The following WWOX variants were observed in gnomAD, a reference collection of about 807,000 sequenced individuals.
The protein encoded by WWOX is WW domain-containing oxidoreductase.
WWOX carries 69 observed loss-of-function variants against 46.2 expected under a neutral mutation model. The ratio of observed to expected loss-of-function variants is 1.49; its 90% CI spans 1.23 to 1.82. WWOX has a LOEUF of 1.82. WWOX is among the 40% of genes most tolerant of loss of function. The probability of loss-of-function intolerance (pLI) is 0.00; values close to 1 mark genes in which losing one functional copy is unlikely to be tolerated. For missense variants in WWOX, 919 were observed against 542.6 expected (o/e 1.69, Z -6.89); for synonymous variants, 359 against 202.6 (o/e 1.77, Z -6.56).
intron 8 of WWOX, among the ~76,000 whole-genome samples, chr16:78,567,803 C>G (rs1250096749): frequency 6.6e-6 from 1 of 152,020 alleles, no homozygotes; most frequent in East Asian, 1.9e-4. Context: ...AGCAGAGCCT[C>G]CAGCCGGGGT....
chr16:79,171,413 C>G (rs2050697158), intron 8 of WWOX, among the ~76,000 whole-genome samples: 1 of 152,188 alleles, frequency 6.6e-6, no homozygotes, highest in African/African-American at 2.4e-5. Flanking sequence ...TATTAGCTCT[C>G]TCCATTTTTA....
Position 78,502,138 on chromosome 16 carries a change from A to G in WWOX, c.1056+69386A>G, listed in dbSNP as rs192492671. Among the ~76,000 whole-genome samples the G allele has an allele frequency of 3.3e-5, 5 of 152,332 alleles. No individual in the cohort carries two copies. The East Asian group carries it at 9.7e-4, about 29-fold the overall frequency. The stretch of plus-strand genomic sequence containing the variant: ...CATCCACTGGAGCTTTGCAGGGCCT[A>G]TCTGCCCTTAGCCCTCCAATATCCT... On this transcript the variant is annotated intron_variant, in intron 8 of 8. Transcript: ENST00000566780.
chr16:78,509,135 T>C (rs1236618980), intron 8 of WWOX, among the ~76,000 whole-genome samples: 1 of 152,184 alleles, frequency 6.6e-6, no homozygotes, highest in African/African-American at 2.4e-5. Flanking sequence ...ATGACAAAGT[T>C]ATTCAATTAA....
At chr16:79,173,389 G>A (rs1182013788) in intron 8 of WWOX, among the ~76,000 whole-genome samples, 8 of 152,250 alleles carry the variant, frequency 5.3e-5, no homozygotes, top group Non-Finnish European at 8.8e-5. Context: ...TCTTAGGATG[G>A]CCCACATGGG....
intron 8 of WWOX, among the ~76,000 whole-genome samples, chr16:79,149,387 G>T (rs7204962): frequency 6.6e-6 from 1 of 151,892 alleles, no homozygotes. Flanking sequence ...ATCCCACTTG[G>T]TCATGGCATA....
At chr16:79,153,922 G>A (rs186624157) in intron 8 of WWOX, among the ~76,000 whole-genome samples, 3 of 151,660 alleles carry the variant, frequency 2.0e-5, no homozygotes, top group Admixed American at 1.3e-4. Context: ...CCTGCTGTCA[G>A]GCCAGGCTGG....
At chr16:79,170,256 C>T (rs2050674653) in intron 8 of WWOX, among the ~76,000 whole-genome samples, 1 of 152,186 alleles carries the variant, frequency 6.6e-6, no homozygotes, top group Non-Finnish European at 1.5e-5. Context: ...ATCCTCACCA[C>T]AAAACTGATA....
At chr16:78,878,722 C>G (rs2044281966) in intron 8 of WWOX, among the ~76,000 whole-genome samples, 1 of 151,950 alleles carries the variant, frequency 6.6e-6, no homozygotes, top group Non-Finnish European at 1.5e-5. Context: ...ACCCAGTAGT[C>G]TGGCTTCTAT....
chr16:78,396,355 A>G (rs2082286729), intron 6 of WWOX, among the ~76,000 whole-genome samples: 1 of 152,222 alleles, frequency 6.6e-6, no homozygotes, highest in African/African-American at 2.4e-5. Flanking sequence ...CATCACTGCC[A>G]AGACATAAAT....
intron 8 of WWOX, among the ~76,000 whole-genome samples, chr16:78,673,993 C>G (rs977267186): frequency 7.2e-5 from 11 of 151,990 alleles, no homozygotes; most frequent in African/African-American, 2.7e-4. Flanking sequence ...GAGAAGTTTA[C>G]TAAAACCTGC....
intron 8 of WWOX, among the ~76,000 whole-genome samples, chr16:78,824,157 G>C (rs115820616): frequency 1.3e-5 from 2 of 151,964 alleles, no homozygotes; most frequent in Admixed American, 6.6e-5. Flanking sequence ...GATTTTAAAC[G>C]ATCTTTAGAA....
rs565996256 is a variant in WWOX, at chr16:78,162,382, G to A, written c.410-1801G>A. 5.9e-5 allele frequency among the ~76,000 whole-genome samples: 9 copies of A among 152,014 alleles called. No homozygotes were observed. The South Asian group carries it at 1.9e-3, about 32-fold the overall frequency. ...ACTCTGATGTGCCTTGCTTTGACAT[G>A]TATGTGTATATATGTGTATCTACAC... On this transcript the variant is annotated intron_variant, in intron 4 of 8. Transcript: ENST00000566780.
intron 8 of WWOX, among the ~76,000 whole-genome samples, chr16:79,189,382 C>T (rs1039393662): frequency 7.2e-5 from 11 of 151,802 alleles, no homozygotes; most frequent in East Asian, 1.9e-4. Flanking sequence ...CTCAGCCTCC[C>T]GAGTAGCTGG....
At chr16:78,959,525 A>G (rs897123997) in intron 8 of WWOX, among the ~76,000 whole-genome samples, 17 of 151,998 alleles carry the variant, frequency 1.1e-4, no homozygotes, top group Admixed American at 7.2e-4. Flanking sequence ...GCATTCATCC[A>G]CCTGTTCATC....
In WWOX at chr16:78,607,716, G is replaced by A. The variant is rs144263960; in HGVS notation, c.1056+174964G>A. Among the ~76,000 whole-genome samples the A allele has an allele frequency of 4.6e-5, 7 of 151,760 alleles. No individual in the cohort carries two copies. The East Asian group carries it at 1.4e-3, about 29-fold the overall frequency. On this transcript the variant is annotated intron_variant, in intron 8 of 8. Transcript: ENST00000566780. ...CTTAAGAGAAAAACTGGAGTAGGGT[G>A]TGTGTGTGTTTGTTTTGGTCAAGGG...
At chr16:79,014,551 C>T (rs1467150761) in intron 8 of WWOX, among the ~76,000 whole-genome samples, 4 of 152,206 alleles carry the variant, frequency 2.6e-5, no homozygotes, top group Admixed American at 6.5e-5. Flanking sequence ...GATGTTTTCA[C>T]CTGGAAGATT....
At chr16:78,799,877 A>G (rs1354452829) in intron 8 of WWOX, among the ~76,000 whole-genome samples, 1 of 152,182 alleles carries the variant, frequency 6.6e-6, no homozygotes, top group Non-Finnish European at 1.5e-5. Context: ...CCAGTTATGT[A>G]GCTTTAGAAA....
chr16:79,017,517 A>G (rs1258843146), intron 8 of WWOX: 1 of 149,866 alleles, frequency 6.7e-6, no homozygotes, highest in Non-Finnish European at 1.5e-5. Flanking sequence ...TGTTTTTATA[A>G]AGGACCAGAG....
intron 5 of WWOX, among the ~76,000 whole-genome samples, chr16:78,377,281 T>A (rs985694949): frequency 6.6e-6 from 1 of 152,216 alleles, no homozygotes; most frequent in Non-Finnish European, 1.5e-5. Flanking sequence ...AGTCTTCAAC[T>A]GTGTATAAAA....
Sources: allele counts gnomAD v4.1 joint callset (sites outside exome capture counted in the v4.1 genomes callset), GRCh38; gene constraint gnomAD v4.1.1; transcripts MANE v1.5; gene names NCBI Gene and HGNC (gene_info 2026-07-23, HGNC 2026-07-21).